VPS35L: variants seen among roughly 807,000 people sequenced by gnomAD.
VPS35L encodes the protein VPS35 endosomal protein sorting factor like.
A neutral mutation model predicts 133.0 loss-of-function variants in VPS35L; 83 were observed. The observed-to-expected ratio is 0.62, with a 90% CI of 0.52 to 0.75. The LOEUF (loss-of-function observed/expected upper bound fraction) is 0.75. Among genes scored for constraint, VPS35L ranks in the 30% least tolerant of loss-of-function variants. The pLI is 0.00. For synonymous variants in VPS35L, 423 were observed against 449.9 expected (o/e 0.94, Z 0.76); for missense variants, 1,083 against 1,206.8 (o/e 0.90, Z 1.52).
At chr16:19,616,325 G>T (rs1972891973) in intron 13 of VPS35L, 134 bp downstream of exon 13, 2 of 736,952 alleles carry the variant, frequency 2.7e-6, no homozygotes, top group African/African-American at 1.7e-5. Context: ...AATTACACTA[G>T]CTTCTGTTGT....
intron 7 of VPS35L, chr16:19,587,281 C>T: frequency 2.3e-6 from 1 of 442,354 alleles, no homozygotes; most frequent in South Asian, 1.6e-5. Flanking sequence ...AACACAGAGC[C>T]AAACCATGTT....
intron 5 of VPS35L, 108 bp downstream of exon 5, chr16:19,575,230 G>C (rs1223965651): frequency 2.0e-6 from 2 of 994,896 alleles, no homozygotes; most frequent in Non-Finnish European, 3.1e-6. Flanking sequence ...GTTTGATTCA[G>C]TTGGAGCTGC....
At chr16:19,636,258 A>G (rs1011216793) in intron 19 of VPS35L, among the ~76,000 whole-genome samples, 1 of 152,222 alleles carries the variant, frequency 6.6e-6, no homozygotes, top group Non-Finnish European at 1.5e-5. Flanking sequence ...CATTAAATGG[A>G]TGGATAAGTG....
chr16:19,685,355 A>T (rs55989139), intron 28 of VPS35L, among the ~76,000 whole-genome samples: 31,739 of 152,206 alleles, frequency 0.21, 4,109 homozygotes, highest in Non-Finnish European at 0.28. Flanking sequence ...CTGTGTTGGT[A>T]TGCAAAACGG....
At chr16:19,693,010 A>G (rs1165925581) in intron 29 of VPS35L, among the ~76,000 whole-genome samples, 4 of 152,250 alleles carry the variant, frequency 2.6e-5, no homozygotes, top group Non-Finnish European at 5.9e-5. Context: ...CAACAGTTGC[A>G]GAAATGCTGC....
intron 21 of VPS35L, among the ~76,000 whole-genome samples, chr16:19,640,975 T>C (rs1011802917): frequency 6.6e-6 from 1 of 152,202 alleles, no homozygotes; most frequent in Non-Finnish European, 1.5e-5. Context: ...CTTCATCTCC[T>C]GGGCTCAAGC....
intron 28 of VPS35L, among the ~76,000 whole-genome samples, chr16:19,688,467 A>G (rs1179917639): frequency 6.6e-6 from 1 of 152,332 alleles, no homozygotes. Flanking sequence ...AGCCGTGTGC[A>G]CTTGTGGCCG....
chr16:19,555,877 TG>T, intron 1 of VPS35L, 131 bp downstream of exon 1: 1 of 1,321,134 alleles, frequency 7.6e-7, no homozygotes, highest in South Asian at 1.5e-5. Context: ...CAAGTTGTCT[TG>T]ACCGTAGAAT....
chr16:19,657,671 C>A (rs1974350092), intron 26 of VPS35L, among the ~76,000 whole-genome samples: 1 of 152,164 alleles, frequency 6.6e-6, no homozygotes, highest in Non-Finnish European at 1.5e-5. Context: ...GTATATGGAG[C>A]CCCTGGCTAC....
At position 19,652,291 on chromosome 16, in the gene VPS35L, G is replaced by A; in HGVS notation, c.2221+201G>A. The A allele has an allele frequency of 1.1e-5, 6 of 530,850 alleles. No homozygotes were observed. The South Asian group carries it at 1.3e-4, about 11-fold the overall frequency. 32.9% of individuals were successfully genotyped at this position (530,850 alleles called of 1,614,324 possible). On this transcript the variant is annotated intron_variant, in intron 26 of 30. Transcript: ENST00000417362. ...TCCTGGGCTCAAGCAGTCCTCCTGAGTAGCTGGGACTGCAGGCGCACACCA... is the reference window on the plus strand; with the variant it reads ...TCCTGGGCTCAAGCAGTCCTCCTGAATAGCTGGGACTGCAGGCGCACACCA...
intron 10 of VPS35L, chr16:19,608,489 G>A: frequency 1.9e-6 from 1 of 517,814 alleles, no homozygotes; most frequent in Non-Finnish European, 3.4e-6. Context: ...CTTTGAATAC[G>A]ATGCCATGTG....
At chr16:19,587,405 G>A (rs566155196) in intron 7 of VPS35L, 57 of 441,304 alleles carry the variant, frequency 1.3e-4, no homozygotes, top group Non-Finnish European at 2.0e-4. Context: ...TGAGGTGGGC[G>A]GATCAGCTGA....
In VPS35L at chr16:19,652,110, A is replaced by C; in HGVS notation, c.2221+20A>C. The C allele has an allele frequency of 7.2e-5, 108 of 1,494,226 alleles. No homozygotes were observed. The highest frequency in any genetic ancestry group is 8.9e-5 in the Non-Finnish European group (96 of 1,083,258). The allele number at this position is 1,494,226 out of a possible 1,614,324, so 92.6% of individuals were successfully genotyped here. On this transcript the variant is annotated intron_variant, in intron 26 of 30. Transcript: ENST00000417362. ...CCCAAGGTAAGTCCATCATTCTCTC[A>C]TCTCGGGCACTCCCTTGCTGCTTAG...
chr16:19,593,622 C>T (rs1160303545), intron 8 of VPS35L, among the ~76,000 whole-genome samples: 1 of 151,988 alleles, frequency 6.6e-6, no homozygotes, highest in Admixed American at 6.6e-5. Flanking sequence ...TCATTAAGAC[C>T]TTGCCCTTGG....
intron 15 of VPS35L, among the ~76,000 whole-genome samples, chr16:19,626,807 G>T (rs1040029187): frequency 3.0e-4 from 46 of 152,202 alleles, no homozygotes; most frequent in African/African-American, 1.1e-3. Context: ...TTCCCCATGG[G>T]GCTGTGGTAG....
At position 19,642,423 on chromosome 16, in the gene VPS35L, G is replaced by A. The variant is rs146888482; in HGVS notation, c.1812G>A (p.Pro604=). ...ATCAACAAGAGCCCACCAAGGACCC[G>A]GTCATCTTGAATGCCCTTTTGCATG... is the stretch of plus-strand genomic sequence containing the variant. ...IKHQQEPTKD[P]VILNALLHVC... is the part of the protein sequence containing the mutation. The change falls in exon 22 of 31, where the codon CCG becomes CCA. Residue 604 remains proline (P), a synonymous_variant. Coordinates refer to ENST00000417362, the MANE Select transcript of VPS35L (RefSeq NM_020314.7). 775 of 1,613,780 alleles carry A rather than the reference G, an allele frequency of 4.8e-4. 5 individuals are homozygous for A. The African/African-American group carries it at 8.0e-3, about 17-fold the overall frequency.
rs924845069 is a variant in VPS35L, at chr16:19,700,553, C to A, written c.*77C>A. On this transcript the variant is annotated 3_prime_UTR_variant, in exon 31 of 31. Coordinates refer to ENST00000417362, the MANE Select transcript of VPS35L (RefSeq NM_020314.7). Reference sequence around the variant, plus strand: ...TCTGCTCTGCTGCCCTGAACTCTTACGGCAATTTAGGTTTCTCATTTTTCT... The same window carrying A: ...TCTGCTCTGCTGCCCTGAACTCTTAAGGCAATTTAGGTTTCTCATTTTTCT... 7 of 1,229,802 alleles carry A rather than the reference C, an allele frequency of 5.7e-6. No homozygotes were observed. The highest frequency in any genetic ancestry group is 4.6e-5 in the African/African-American group (3 of 65,876). The allele number at this position is 1,229,802 out of a possible 1,614,324, so 76.2% of individuals were successfully genotyped here. A position where few individuals can be genotyped will look rare whatever the true frequency, so the allele number is the denominator to read the frequency against.
At chr16:19,690,969 AAAAAAG>A (rs925530565) in intron 28 of VPS35L, among the ~76,000 whole-genome samples, 19 of 152,200 alleles carry the variant, frequency 1.2e-4, no homozygotes, top group South Asian at 4.1e-4. Context: ...CTCAAAAAAA[AAAAAAG>A]AAAAGAAAAG....
intron 21 of VPS35L, among the ~76,000 whole-genome samples, chr16:19,641,732 T>TAAAAA (rs1973793801): frequency 6.6e-6 from 1 of 152,156 alleles, no homozygotes; most frequent in Non-Finnish European, 1.5e-5. Context: ...CTGGCAAAAT[T>TAAAAA]CGCCTGTTAA....
Sources: gnomAD v4.1 joint callset for allele counts (sites outside exome capture counted in the v4.1 genomes callset) on GRCh38, gnomAD v4.1.1 for gene constraint, MANE v1.5 for transcripts, NCBI Gene and HGNC (gene_info 2026-07-23, HGNC 2026-07-21) for gene names.